The following PDE1C variants were observed in gnomAD, a reference collection of about 807,000 sequenced individuals.
PDE1C encodes dual specificity calcium/calmodulin-dependent 3',5'-cyclic nucleotide phosphodiesterase 1C.
Under a neutral mutation model 93.1 loss-of-function variants are expected in PDE1C, and 62 were observed. That is an observed-to-expected ratio of 0.67 (90% CI 0.54 to 0.82). PDE1C has a LOEUF of 0.82. Ranked by LOEUF, PDE1C falls within the 40% of genes least tolerant of loss-of-function variation. The pLI is 0.00. For synonymous variants in PDE1C, 325 were observed against 310.1 expected, an observed-to-expected ratio of 1.05 and a Z score of -0.50; for missense variants, 742 against 884.6, an observed-to-expected ratio of 0.84 and a Z score of 2.04.
chr7:32,151,975 T>C (rs777337896), intron 3 of PDE1C, among the ~76,000 whole-genome samples: 3 of 152,226 alleles, frequency 2.0e-5, no homozygotes, highest in Non-Finnish European at 2.9e-5. Context: ...ATTTTTATTT[T>C]AATAAGTGTA....
upstream of PDE1C, among the ~76,000 whole-genome samples, chr7:32,072,742 A>G (rs1005918048): frequency 1.3e-5 from 2 of 152,228 alleles, no homozygotes; most frequent in Non-Finnish European, 2.9e-5. Context: ...CCCATTTTAC[A>G]GTAAGAAAAC....
chr7:31,811,112 T>C (rs780769715), intron 15 of PDE1C, among the ~76,000 whole-genome samples: 5 of 152,076 alleles, frequency 3.3e-5, no homozygotes, highest in Non-Finnish European at 7.4e-5. Context: ...TGGAAGAGAA[T>C]TGAATCATGG....
At chr7:32,079,797 G>A (rs145398206) in intron 3 of PDE1C, among the ~76,000 whole-genome samples, 81 of 152,274 alleles carry the variant, frequency 5.3e-4, no homozygotes, top group African/African-American at 1.8e-3. Flanking sequence ...GCCTAGGACC[G>A]GCACAACATC....
At chr7:31,637,079 T>C in the PDE1C span, among the ~76,000 whole-genome samples, 2 of 152,130 alleles carry the variant, frequency 1.3e-5, no homozygotes, top group East Asian at 3.9e-4. Flanking sequence ...CATTTTTTTA[T>C]GGCTGCATAG....
At chr7:31,879,880 AG>A (rs979769837) in intron 3 of PDE1C, among the ~76,000 whole-genome samples, 3 of 152,230 alleles carry the variant, frequency 2.0e-5, no homozygotes, top group Non-Finnish European at 4.4e-5. Flanking sequence ...CATCAGTAAA[AG>A]TAGCTGCCAA....
At chr7:31,802,588 A>G (rs1191382182) in intron 16 of PDE1C, among the ~76,000 whole-genome samples, 1 of 151,628 alleles carries the variant, frequency 6.6e-6, no homozygotes, top group East Asian at 1.9e-4. Flanking sequence ...AATTTCTTGC[A>G]TGGTGCGTCT....
At chr7:32,426,260 T>C (rs983479602) in intron 1 of PDE1C, among the ~76,000 whole-genome samples, 1 of 145,890 alleles carries the variant, frequency 6.9e-6, no homozygotes, top group Non-Finnish European at 1.5e-5. Flanking sequence ...GAAAATGGTG[T>C]AACTATATTT....
At chr7:32,047,669 A>C (rs1340485432) in intron 2 of PDE1C, among the ~76,000 whole-genome samples, 1 of 152,034 alleles carries the variant, frequency 6.6e-6, no homozygotes, top group Non-Finnish European at 1.5e-5. Context: ...AACTGCCTCA[A>C]TTGTGTTGTA....
chr7:32,282,439 G>A (rs1811703224), intron 1 of PDE1C, among the ~76,000 whole-genome samples: 2 of 74,382 alleles, frequency 2.7e-5, no homozygotes, highest in African/African-American at 9.2e-5. Context: ...TCGTGCCATT[G>A]CACACTCCAG....
At chr7:32,280,479 ACT>A (rs1224587182) in intron 1 of PDE1C, among the ~76,000 whole-genome samples, 1 of 152,160 alleles carries the variant, frequency 6.6e-6, no homozygotes, top group Non-Finnish European at 1.5e-5. Flanking sequence ...CTGGATAATG[ACT>A]CTTCATTATA....
chr7:32,137,432 G>A (rs1361838683), intron 3 of PDE1C, among the ~76,000 whole-genome samples: 2 of 152,122 alleles, frequency 1.3e-5, no homozygotes, highest in Non-Finnish European at 2.9e-5. Context: ...TCGCTTAGGT[G>A]TCACCATTAT....
chr7:32,162,123 A>C (rs942996730), intron 3 of PDE1C, among the ~76,000 whole-genome samples: 5 of 152,162 alleles, frequency 3.3e-5, no homozygotes, highest in Non-Finnish European at 5.9e-5. Context: ...GATAATTACA[A>C]TTTTATCCTT....
intron 2 of PDE1C, among the ~76,000 whole-genome samples, chr7:31,930,256 GCAGTAATTAATAGA>G (rs1225509688): frequency 1.3e-5 from 2 of 152,118 alleles, no homozygotes; most frequent in African/African-American, 4.8e-5. Flanking sequence ...TGAAATTGAG[GCAGTAATTAATAGA>G]CTACCAACCA....
chr7:31,900,186 A>G (rs1220953242), intron 2 of PDE1C, among the ~76,000 whole-genome samples: 1 of 152,186 alleles, frequency 6.6e-6, no homozygotes, highest in East Asian at 1.9e-4. Flanking sequence ...GATACTCTCT[A>G]CTTATATAAT....
At chr7:32,015,570 A>T (rs1307273581) in intron 2 of PDE1C, among the ~76,000 whole-genome samples, 1 of 152,088 alleles carries the variant, frequency 6.6e-6, no homozygotes, top group Non-Finnish European at 1.5e-5. Context: ...GGAAGACAAG[A>T]GCTAGAAACA....
intron 2 of PDE1C, among the ~76,000 whole-genome samples, chr7:31,934,775 G>A (rs1804802804): frequency 6.6e-6 from 1 of 152,100 alleles, no homozygotes; most frequent in Admixed American, 6.5e-5. Flanking sequence ...TTGGAGCACT[G>A]AATGCTCTGT....
chr7:31,925,549 A>G (rs903663034), intron 2 of PDE1C, among the ~76,000 whole-genome samples: 17 of 152,170 alleles, frequency 1.1e-4, no homozygotes, highest in Non-Finnish European at 2.2e-4. Context: ...ATTTATATTT[A>G]TATGTTCACA....
rs867570351 is a variant in PDE1C at position 31,848,646 on chromosome 7, T to C, written c.852-550A>G. On this transcript the variant is annotated intron_variant, in intron 8 of 17. Transcript: ENST00000396191. ...TTATAATGTCAGTTTTTAGTTCCTA[T>C]CTCAAAGACCATACTATAGCTGAAT... Among the ~76,000 whole-genome samples the C allele has an allele frequency of 1.2e-3, 182 of 152,250 alleles. 1 individual carries two copies. The highest frequency in any genetic ancestry group is 3.9e-3 in the African/African-American group (164 of 41,560).
intron 14 of PDE1C, among the ~76,000 whole-genome samples, chr7:31,819,865 CAGAGA>C (rs1051610526): frequency 2.0e-5 from 3 of 151,288 alleles, no homozygotes; most frequent in South Asian, 2.1e-4. Flanking sequence ...AGAGAAAAAA[CAGAGA>C]AAAGAGAGAG....
Sources: allele counts gnomAD v4.1 joint callset (sites outside exome capture counted in the v4.1 genomes callset), GRCh38; gene constraint gnomAD v4.1.1; transcripts MANE v1.5; gene names NCBI Gene and HGNC (gene_info 2026-07-23, HGNC 2026-07-21).